KCNMB2: variants seen among roughly 807,000 people sequenced by gnomAD.
KCNMB2 encodes the protein potassium calcium-activated channel subfamily M regulatory beta subunit 2.
In KCNMB2, 9 loss-of-function variants were observed where a neutral mutation model predicts 24.5. That is an observed-to-expected ratio of 0.37 (90% CI 0.22 to 0.64). The LOEUF (loss-of-function observed/expected upper bound fraction) is 0.64. KCNMB2 is among the 30% of genes least tolerant of loss of function. The probability of loss-of-function intolerance (pLI) is 0.63; values close to 1 mark genes in which losing one functional copy is unlikely to be tolerated. For synonymous variants in KCNMB2, 109 were observed against 104.4 expected, an observed-to-expected ratio of 1.04 and a Z score of -0.27; for missense variants, 226 against 284.3, an observed-to-expected ratio of 0.79 and a Z score of 1.47.
At chr3:178,744,436 C>T (rs1277875231) in intron 1 of KCNMB2, among the ~76,000 whole-genome samples, 2 of 152,158 alleles carry the variant, frequency 1.3e-5, no homozygotes, top group Non-Finnish European at 2.9e-5. Flanking sequence ...GAAAGCAGTG[C>T]TTTACATTTG....
At chr3:178,717,581 T>C (rs1722659565) in intron 1 of KCNMB2, among the ~76,000 whole-genome samples, 1 of 152,180 alleles carries the variant, frequency 6.6e-6, no homozygotes, top group Non-Finnish European at 1.5e-5. Flanking sequence ...ACCCTTTCTG[T>C]TCACATTAAG....
chr3:178,697,537 A>G (rs1274831297), intron 1 of KCNMB2, among the ~76,000 whole-genome samples: 2 of 152,286 alleles, frequency 1.3e-5, no homozygotes, highest in South Asian at 2.1e-4. Context: ...CAGCAGCCCA[A>G]TGGGTCTTAG....
chr3:178,672,283 G>A (rs752369780), intron 1 of KCNMB2, among the ~76,000 whole-genome samples: 2 of 152,154 alleles, frequency 1.3e-5, no homozygotes, highest in Non-Finnish European at 2.9e-5. Context: ...GGTGCAGGAG[G>A]TAGTAGGGGG....
At chr3:178,765,810 C>T (rs886088139) in intron 1 of KCNMB2, among the ~76,000 whole-genome samples, 3 of 152,180 alleles carry the variant, frequency 2.0e-5, no homozygotes, top group Admixed American at 6.5e-5. Flanking sequence ...GACCATCTTC[C>T]TGTTCATCGA....
At chr3:178,701,637 C>T (rs536965369) in intron 1 of KCNMB2, among the ~76,000 whole-genome samples, 2 of 151,972 alleles carry the variant, frequency 1.3e-5, no homozygotes, top group East Asian at 1.9e-4. Context: ...CAAAAGAAGA[C>T]ATTTATGCAG....
At chr3:178,742,384 A>G (rs993117720) in intron 1 of KCNMB2, among the ~76,000 whole-genome samples, 9 of 152,232 alleles carry the variant, frequency 5.9e-5, no homozygotes, top group African/African-American at 2.2e-4. Flanking sequence ...TGTAAGGATC[A>G]TGGCTGTGGC....
chr3:178,765,020 C>G (rs908759980), intron 1 of KCNMB2, among the ~76,000 whole-genome samples: 2 of 152,304 alleles, frequency 1.3e-5, no homozygotes, highest in African/African-American at 4.8e-5. Flanking sequence ...ATTTATTACT[C>G]TTCTTTGATG....
Position 178,640,606 on chromosome 3 carries a change from T to A in KCNMB2, c.-68+103895T>A, listed in dbSNP as rs925925653. On this transcript the variant is annotated intron_variant, in intron 1 of 4. Transcript: ENST00000452583. ...TTGAAAATTTTCCTCTTTTTTTGTTTATATATATTTGAAAACTCATCTGGA... is the reference window on the plus strand; with the variant it reads ...TTGAAAATTTTCCTCTTTTTTTGTTAATATATATTTGAAAACTCATCTGGA... Among the ~76,000 whole-genome samples, 6 of 152,176 alleles carry A rather than the reference T, an allele frequency of 3.9e-5. No homozygotes were observed. In the South Asian group the frequency reaches 1.2e-3, roughly 32 times the overall value.
intron 1 of KCNMB2, among the ~76,000 whole-genome samples, chr3:178,702,178 A>G (rs1481990557): frequency 6.6e-6 from 1 of 150,948 alleles, no homozygotes; most frequent in African/African-American, 2.4e-5. Context: ...AAACTATCAC[A>G]AGGACAAAAA....
chr3:178,813,004 A>G (rs1399632739), intron 2 of KCNMB2, among the ~76,000 whole-genome samples: 1 of 152,122 alleles, frequency 6.6e-6, no homozygotes, highest in Non-Finnish European at 1.5e-5. Flanking sequence ...CCCAAAAAAA[A>G]CTCTAGGGAT....
At chr3:178,840,931 T>C (rs962247970) in intron 4 of KCNMB2, among the ~76,000 whole-genome samples, 2 of 152,212 alleles carry the variant, frequency 1.3e-5, no homozygotes, top group African/African-American at 4.8e-5. Flanking sequence ...CCCCAGAAAA[T>C]GGGTTTTTCT....
At chr3:178,772,110 C>T (rs1193821053) in intron 1 of KCNMB2, among the ~76,000 whole-genome samples, 1 of 152,164 alleles carries the variant, frequency 6.6e-6, no homozygotes, top group African/African-American at 2.4e-5. Context: ...CCTCCTCCCA[C>T]GTATCTTCTT....
chr3:178,666,743 C>T (rs559415949), intron 1 of KCNMB2, among the ~76,000 whole-genome samples: 24 of 152,248 alleles, frequency 1.6e-4, no homozygotes, highest in Admixed American at 9.8e-4. Flanking sequence ...TGCTCTCCAG[C>T]GTTTCCTGTG....
rs1714017928 is a variant in KCNMB2 at position 178,807,462 on chromosome 3, A to C, written c.53A>C (p.Lys18Thr). ...RTSSSYRHDE[K>T]RNIYQKIRDH... Reference sequence around the variant, plus strand: ...TCTTCATCTTATAGACATGATGAAAAAAGGTAAATGCACTGGGATTCTGGG... The same window carrying C: ...TCTTCATCTTATAGACATGATGAAACAAGGTAAATGCACTGGGATTCTGGG... Residue 18 changes from lysine (K) to threonine (T), a missense_variant, in exon 2 of 5, where the codon AAA (lysine) becomes ACA (threonine). Transcript: ENST00000452583. 2 of 1,613,362 alleles carry C rather than the reference A, an allele frequency of 1.2e-6. No homozygotes were observed. Among genetic ancestry groups the C allele is most frequent in the African/African-American group, 2.7e-5 (2 of 74,916 alleles).
intron 1 of KCNMB2, among the ~76,000 whole-genome samples, chr3:178,562,182 A>T (rs1716343628): frequency 1.3e-5 from 2 of 152,212 alleles, no homozygotes; most frequent in African/African-American, 4.8e-5. Context: ...TTCCTGTCAG[A>T]TATGTTGCTT....
In KCNMB2 at chr3:178,680,862, G is replaced by A. The variant is rs73044289; in HGVS notation, c.-67-126481G>A. 1.7e-3 allele frequency among the ~76,000 whole-genome samples: 253 copies of A among 152,296 alleles called. 1 individual carries two copies. The highest frequency in any genetic ancestry group is 5.8e-3 in the African/African-American group (242 of 41,560). On this transcript the variant is annotated intron_variant, in intron 1 of 4. Transcript: ENST00000452583. ...ATGACTCTTAGGAACGGGGCCCCCA[G>A]ATTCCCTAAACAGATGCCCCTGAAG...
Position 178,583,773 on chromosome 3 carries a change from T to G in KCNMB2, c.-68+47062T>G, listed in dbSNP as rs893328215. Among the ~76,000 whole-genome samples the G allele has an allele frequency of 2.0e-5, 3 of 152,284 alleles. No individual in the cohort carries two copies. In the South Asian group the frequency reaches 6.2e-4, roughly 32 times the overall value. On this transcript the variant is annotated intron_variant, in intron 1 of 4. Transcript: ENST00000452583. Reference sequence around the variant, plus strand: ...GAAGAAAGGAGATAATGCACATAAATGTACTCAGAAATGCTAAGGTCAGAA... The same window carrying G: ...GAAGAAAGGAGATAATGCACATAAAGGTACTCAGAAATGCTAAGGTCAGAA...
At chr3:178,684,991 T>C (rs1721412929) in intron 1 of KCNMB2, among the ~76,000 whole-genome samples, 1 of 152,228 alleles carries the variant, frequency 6.6e-6, no homozygotes, top group Non-Finnish European at 1.5e-5. Context: ...CCTAAAGAAA[T>C]GCATACATCT....
intron 1 of KCNMB2, among the ~76,000 whole-genome samples, chr3:178,745,859 G>A (rs1003879952): frequency 2.4e-4 from 36 of 152,206 alleles, no homozygotes; most frequent in African/African-American, 8.0e-4. Flanking sequence ...TCCAGGTCAC[G>A]CTGATGCAAG....
Sources: allele counts gnomAD v4.1 joint callset (sites outside exome capture counted in the v4.1 genomes callset), GRCh38; gene constraint gnomAD v4.1.1; transcripts MANE v1.5; gene names NCBI Gene and HGNC (gene_info 2026-07-23, HGNC 2026-07-21).